Variants in CHN1 observed in about 807,000 individuals in gnomAD.
The protein encoded by CHN1 is chimerin 1, also known as N-chimaerin.
In CHN1, 37 loss-of-function variants were observed where a neutral mutation model predicts 59.5. The observed-to-expected ratio is 0.62, with a 90% CI of 0.48 to 0.82. The LOEUF is 0.82. Ranked by LOEUF, CHN1 falls within the 40% of genes least tolerant of loss-of-function variation. The pLI is 0.00. For missense variants in CHN1, 469 were observed against 571.0 expected (o/e 0.82, Z 1.82); for synonymous variants, 206 against 200.4 (o/e 1.03, Z -0.24).
chr2:175,005,181 G>C lies in CHN1; in HGVS notation c.-269C>G. On this transcript the variant is annotated 5_prime_UTR_variant, in exon 1 of 13. Transcript: ENST00000409900. ...GGCACTTGTCGCTGCCATCAGGCGCGGAGCGTGCGCGCGGGAGGAGGTACC... is the reference window on the plus strand; with the variant it reads ...GGCACTTGTCGCTGCCATCAGGCGCCGAGCGTGCGCGCGGGAGGAGGTACC... The C allele has an allele frequency of 2.4e-6, 3 of 1,261,998 alleles. No homozygotes were observed. The highest frequency in any genetic ancestry group is 3.0e-6 in the Non-Finnish European group (3 of 1,001,698). The allele number at this position is 1,261,998 out of a possible 1,614,324, so 78.2% of individuals were successfully genotyped here.
chr2:174,966,592 T>A (rs1339085043), intron 1 of CHN1, among the ~76,000 whole-genome samples: 1 of 152,112 alleles, frequency 6.6e-6, no homozygotes, highest in African/African-American at 2.4e-5. Flanking sequence ...AGCAAACAGA[T>A]TACACAAAGT....
At chr2:174,913,510 T>C (rs1688756304) in intron 5 of CHN1, among the ~76,000 whole-genome samples, 1 of 152,158 alleles carries the variant, frequency 6.6e-6, no homozygotes, top group South Asian at 2.1e-4. Flanking sequence ...ATTGAATAGG[T>C]ATTTGAATTG....
chr2:174,825,089 C>T (rs1685641643), intron 7 of CHN1, among the ~76,000 whole-genome samples: 2 of 152,294 alleles, frequency 1.3e-5, no homozygotes, highest in South Asian at 4.1e-4. Context: ...TCCAATGTCC[C>T]CTCAGGTGCA....
Position 174,800,185 on chromosome 2 carries a change from T to C in CHN1, c.1311A>G (p.Ala437=). Residue 437 remains alanine (A), a synonymous_variant, in exon 13 of 13, where the codon GCA becomes GCG. Coordinates refer to ENST00000409900, the MANE Select transcript of CHN1 (RefSeq NM_001822.7). ...MRSPELDAMA[A]LNDIRYQRLV... is the part of the protein sequence containing the mutation. ...GTCTCTGATACCGTATATCATTCAATGCAGCCATGGCGTCTAGTTCTGGAG... is the reference window on the plus strand; with the variant it reads ...GTCTCTGATACCGTATATCATTCAACGCAGCCATGGCGTCTAGTTCTGGAG... 1 of 1,533,584 alleles carries C rather than the reference T, an allele frequency of 6.5e-7. No individual in the cohort carries two copies. Among genetic ancestry groups the C allele is most frequent in the Non-Finnish European group, 8.7e-7 (1 of 1,145,440 alleles). The allele number at this position is 1,533,584 out of a possible 1,614,324, so 95.0% of individuals were successfully genotyped here.
intron 11 of CHN1, among the ~76,000 whole-genome samples, chr2:174,805,620 G>A (rs1023927316): frequency 2.0e-5 from 3 of 152,180 alleles, no homozygotes; most frequent in Admixed American, 6.5e-5. Context: ...GTCCAGGGAA[G>A]AGCAGATGGC....
At chr2:174,885,746 C>T (rs1687876783) in intron 5 of CHN1, among the ~76,000 whole-genome samples, 1 of 152,168 alleles carries the variant, frequency 6.6e-6, no homozygotes, top group African/African-American at 2.4e-5. Flanking sequence ...GCTGGGATTA[C>T]ATTCGTGAGC....
intron 6 of CHN1, among the ~76,000 whole-genome samples, chr2:174,853,718 T>A (rs1344462865): frequency 1.3e-5 from 2 of 152,156 alleles, no homozygotes; most frequent in Non-Finnish European, 2.9e-5. Flanking sequence ...AATGGTGGAC[T>A]GGATAAAGAA....
chr2:174,935,281 T>C (rs1236625368), intron 3 of CHN1, among the ~76,000 whole-genome samples: 1 of 152,196 alleles, frequency 6.6e-6, no homozygotes. Flanking sequence ...GAGAGGGATT[T>C]TGCTTTATTT....
At chr2:174,846,265 A>G in intron 7 of CHN1, 4 of 1,522,244 alleles carry the variant, frequency 2.6e-6, no homozygotes, top group Non-Finnish European at 3.5e-6. Context: ...ATTCAAGTAC[A>G]GTTGATAAAC....
chr2:174,929,758 T>C (rs1458653446), intron 3 of CHN1, among the ~76,000 whole-genome samples: 1 of 152,174 alleles, frequency 6.6e-6, no homozygotes, highest in Non-Finnish European at 1.5e-5. Context: ...AAGTAACCAG[T>C]AGTGGTTAAG....
intron 2 of CHN1, among the ~76,000 whole-genome samples, chr2:174,947,488 T>A (rs970368509): frequency 1.1e-4 from 13 of 119,846 alleles, no homozygotes; most frequent in African/African-American, 1.9e-4. Context: ...TTTTTTTTAA[T>A]TTTTTTTTTT....
chr2:174,904,726 T>C (rs1277775390), intron 5 of CHN1, among the ~76,000 whole-genome samples: 1 of 152,214 alleles, frequency 6.6e-6, no homozygotes, highest in Admixed American at 6.5e-5. Context: ...CTCAGTTTTA[T>C]TGCTGTTTGT....
At chr2:174,969,791 G>A (rs971312677) in intron 1 of CHN1, among the ~76,000 whole-genome samples, 3 of 151,838 alleles carry the variant, frequency 2.0e-5, no homozygotes, top group Non-Finnish European at 2.9e-5. Context: ...AGGTAAGCTC[G>A]ATGAGGGCAG....
intron 6 of CHN1, among the ~76,000 whole-genome samples, chr2:174,854,779 G>C (rs1686844909): frequency 6.6e-6 from 1 of 152,282 alleles, no homozygotes; most frequent in Non-Finnish European, 1.5e-5. Flanking sequence ...CTTTCCTTGT[G>C]TCAAAGGACC....
chr2:174,823,605 G>A (rs528873583), intron 8 of CHN1, among the ~76,000 whole-genome samples: 1 of 152,040 alleles, frequency 6.6e-6, no homozygotes, highest in East Asian at 1.9e-4. Context: ...GGAGCTTGCA[G>A]TGAGCCGAGA....
At chr2:174,943,338 T>C (rs1311735639) in intron 3 of CHN1, among the ~76,000 whole-genome samples, 1 of 152,010 alleles carries the variant, frequency 6.6e-6, no homozygotes, top group Non-Finnish European at 1.5e-5. Flanking sequence ...GCGATTCTCC[T>C]GCCTCAGCCT....
chr2:174,956,805 C>T (rs1465195564), intron 1 of CHN1, among the ~76,000 whole-genome samples: 1 of 151,064 alleles, frequency 6.6e-6, no homozygotes, highest in East Asian at 1.9e-4. Flanking sequence ...TAACAGATTA[C>T]ATGAATAAAT....
At chr2:174,852,575 C>G (rs879203263) in intron 6 of CHN1, among the ~76,000 whole-genome samples, 9 of 151,910 alleles carry the variant, frequency 5.9e-5, no homozygotes, top group Non-Finnish European at 1.5e-5. Flanking sequence ...ATTAGAAAAA[C>G]CTATTCTAAA....
chr2:174,979,541 G>A lies in CHN1; in HGVS notation c.19+25353C>T, dbSNP rs553012447. Among the ~76,000 whole-genome samples, 23 of 152,238 alleles carry A rather than the reference G, an allele frequency of 1.5e-4. 1 individual carries two copies. In the South Asian group the frequency reaches 4.4e-3, roughly 29 times the overall value. On this transcript the variant is annotated intron_variant, in intron 1 of 12. Coordinates refer to ENST00000409900, the MANE Select transcript of CHN1 (RefSeq NM_001822.7). ...ATTTAAGATGTACATAGGGCTGGGC[G>A]CGGTGGCTCATGCCTGTAATCCCAA...
Sources: gnomAD v4.1 joint callset for allele counts (sites outside exome capture counted in the v4.1 genomes callset) on GRCh38, gnomAD v4.1.1 for gene constraint, MANE v1.5 for transcripts, NCBI Gene and HGNC (gene_info 2026-07-23, HGNC 2026-07-21) for gene names.